Variants in VXN observed in about 807,000 individuals in gnomAD.
VXN encodes the protein vexin.
In VXN, 7 loss-of-function variants were observed where a neutral mutation model predicts 23.1. The ratio of observed to expected loss-of-function variants is 0.30; its 90% CI spans 0.17 to 0.57. The LOEUF (loss-of-function observed/expected upper bound fraction) is 0.57, where lower values mean the gene tolerates loss of function less well. VXN is among the 20% of genes least tolerant of loss of function. The pLI, the probability that VXN is intolerant of heterozygous loss-of-function variation, is 0.91. For missense variants in VXN, 238 were observed against 272.6 expected (o/e 0.87, Z 0.89); for synonymous variants, 120 against 105.8 (o/e 1.13, Z -0.83).
intron 4 of VXN, among the ~76,000 whole-genome samples, chr8:66,512,835 G>A (rs1413630226): frequency 3.3e-5 from 5 of 152,108 alleles, no homozygotes; most frequent in Admixed American, 6.5e-5. Flanking sequence ...GGGAGCACCC[G>A]CTGCTGGGAG....
At chr8:66,511,925 G>A (rs990009166) in intron 4 of VXN, among the ~76,000 whole-genome samples, 9 of 152,104 alleles carry the variant, frequency 5.9e-5, no homozygotes, top group Admixed American at 1.3e-4. Flanking sequence ...AATTAGCCGA[G>A]CGTGGTGAGC....
chr8:66,515,762 A>T, intron 5 of VXN, 131 bp from the exon 6 acceptor site: 3 of 759,454 alleles, frequency 4.0e-6, no homozygotes, highest in Non-Finnish European at 6.2e-6. Flanking sequence ...CAGTGACCTT[A>T]CAGCTACGTG....
At chr8:66,507,507 A>G (rs1365900101) in intron 3 of VXN, among the ~76,000 whole-genome samples, 2 of 152,206 alleles carry the variant, frequency 1.3e-5, no homozygotes, top group African/African-American at 2.4e-5. Flanking sequence ...TTCCCTAGCT[A>G]GTGCCTCTTC....
At chr8:66,508,459 C>T (rs1345513706) in intron 3 of VXN, among the ~76,000 whole-genome samples, 1 of 152,170 alleles carries the variant, frequency 6.6e-6, no homozygotes, top group Non-Finnish European at 1.5e-5. Context: ...CCACACTGAC[C>T]TCTCCAAGGC....
At chr8:66,506,416 AT>A (rs534690802) in intron 3 of VXN, among the ~76,000 whole-genome samples, 12 of 150,054 alleles carry the variant, frequency 8.0e-5, no homozygotes, top group South Asian at 2.1e-4. Context: ...CTTGGATGCT[AT>A]TTTTTTTTAA....
intron 2 of VXN, among the ~76,000 whole-genome samples, chr8:66,501,838 C>T (rs1397001015): frequency 6.6e-6 from 1 of 152,172 alleles, no homozygotes; most frequent in Non-Finnish European, 1.5e-5. Context: ...CTTGTGTCCC[C>T]AACCAACTGA....
rs752050816 is a variant in VXN at position 66,505,337 on chromosome 8, C to T, written c.127-38C>T. 3.2e-6 allele frequency: 5 copies of T among 1,564,810 alleles called. No individual in the cohort carries two copies. In the South Asian group the frequency reaches 5.9e-5, roughly 18 times the overall value. On this transcript the variant is annotated intron_variant, in intron 2 of 5. Coordinates refer to ENST00000305454, the MANE Select transcript of VXN (RefSeq NM_152765.4). Reference sequence around the variant, plus strand: ...GGTTCCATGGGTCCCTAGGCCCGAGCAGAGGAGTGGGCTAACCGCGTTTCC... The same window carrying T: ...GGTTCCATGGGTCCCTAGGCCCGAGTAGAGGAGTGGGCTAACCGCGTTTCC...
In VXN at chr8:66,513,342, C is replaced by A. The variant is rs149134804; in HGVS notation, c.343-198C>A. Among the ~76,000 whole-genome samples, 626 of 152,292 alleles carry A rather than the reference C, an allele frequency of 4.1e-3. 6 individuals carry two copies. The highest frequency in any genetic ancestry group is 0.015 in the African/African-American group (604 of 41,558). On this transcript the variant is annotated intron_variant, in intron 4 of 5. Coordinates refer to ENST00000305454, the MANE Select transcript of VXN (RefSeq NM_152765.4). ...GCAGATTCTCAGGCCCACAGCAGACCCACGGACTCAGAAGCTGGGGTGGGG... is the reference window on the plus strand; with the variant it reads ...GCAGATTCTCAGGCCCACAGCAGACACACGGACTCAGAAGCTGGGGTGGGG...
chr8:66,498,614 T>G (rs889239149), intron 2 of VXN, among the ~76,000 whole-genome samples: 1 of 152,246 alleles, frequency 6.6e-6, no homozygotes, highest in South Asian at 2.1e-4. Flanking sequence ...TTTGTGTGTG[T>G]GTGTGTGTCC....
At chr8:66,512,765 C>T (rs149829319) in intron 4 of VXN, among the ~76,000 whole-genome samples, 1 of 152,260 alleles carries the variant, frequency 6.6e-6, no homozygotes, top group East Asian at 1.9e-4. Flanking sequence ...GAAGGGGAGA[C>T]AGATGAGGCC....
intron 2 of VXN, among the ~76,000 whole-genome samples, chr8:66,502,883 G>A (rs1180856630): frequency 6.7e-6 from 1 of 148,574 alleles, no homozygotes; most frequent in East Asian, 2.0e-4. Context: ...GTCTCACTCT[G>A]TCCCCCATGC....
Position 66,517,250 on chromosome 8 carries a change from AATG to A in VXN, c.*1180_*1182del, listed in dbSNP as rs919395694. The A allele has an allele frequency of 1.3e-5, 2 of 152,194 alleles. No individual in the cohort carries two copies. Among genetic ancestry groups the A allele is most frequent in the African/African-American group, 4.8e-5 (2 of 41,452 alleles). 9.4% of individuals were successfully genotyped at this position (152,194 alleles called of 1,614,324 possible). A position where few individuals can be genotyped will look rare whatever the true frequency, so the allele number is the denominator to read the frequency against. On this transcript the variant is annotated 3_prime_UTR_variant, in exon 6 of 6. Coordinates refer to ENST00000305454, the MANE Select transcript of VXN (RefSeq NM_152765.4). Reference sequence around the variant, plus strand: ...AGCCTTAAAACAATAACATAATAATAATGATGATAATGATACTTATAGCTATCA... The same window carrying A: ...AGCCTTAAAACAATAACATAATAATAATGATAATGATACTTATAGCTATCA...
At chr8:66,512,895 A>G (rs1239618458) in intron 4 of VXN, among the ~76,000 whole-genome samples, 1 of 152,202 alleles carries the variant, frequency 6.6e-6, no homozygotes, top group Non-Finnish European at 1.5e-5. Flanking sequence ...GCGTAGATAG[A>G]GGGCGTCCTG....
chr8:66,515,859 C>G (rs781366591), intron 5 of VXN, 34 bp from the exon 6 acceptor site: 1 of 1,511,706 alleles, frequency 6.6e-7, no homozygotes. Flanking sequence ...TGTGAGCAGA[C>G]CACCCTCCCC....
At position 66,507,805 on chromosome 8, in the gene VXN, A is replaced by G. The variant is rs142704997; in HGVS notation, c.280+2277A>G. 2.5e-3 allele frequency among the ~76,000 whole-genome samples: 382 copies of G among 151,986 alleles called. 2 individuals are homozygous for G. Among genetic ancestry groups the G allele is most frequent in the African/African-American group, 8.8e-3 (364 of 41,438 alleles). ...ATTCCAGAGTGGGTGGGAGGGAGGG[A>G]ATGTTTCTGAGTCAAAGCCAGACCA... On this transcript the variant is annotated intron_variant, in intron 3 of 5. Coordinates refer to ENST00000305454, the MANE Select transcript of VXN (RefSeq NM_152765.4).
chr8:66,513,832 A>T, intron 5 of VXN, 195 bp downstream of exon 5: 1 of 537,880 alleles, frequency 1.9e-6, no homozygotes. Context: ...TTTCCCTAGG[A>T]TTAAGCAGGA....
intron 4 of VXN, among the ~76,000 whole-genome samples, chr8:66,512,333 A>G (rs938235650): frequency 2.0e-5 from 3 of 152,158 alleles, no homozygotes; most frequent in Admixed American, 6.5e-5. Flanking sequence ...CCATGGCATA[A>G]TGGGAAGGAA....
In VXN at chr8:66,516,067, G is replaced by A; in HGVS notation, c.615G>A (p.Glu205=). The change falls in exon 6 of 6, where the codon GAG becomes GAA. Residue 205 remains glutamate, a synonymous_variant. Transcript: ENST00000305454. ...TGGGAGCCACCAACAGCGCCTTTGA[G>A]GCCGACTAAAGGTGACCCTCTTCAA... ...EYVGATNSAF[E]AD is the part of the protein sequence containing the mutation. 1.2e-6 allele frequency: 2 copies of A among 1,608,854 alleles called. No individual in the cohort carries two copies. The highest frequency in any genetic ancestry group is 8.5e-7 in the Non-Finnish European group (1 of 1,178,912).
At chr8:66,496,892 TA>T (rs1157550302) in intron 2 of VXN, among the ~76,000 whole-genome samples, 2 of 144,280 alleles carry the variant, frequency 1.4e-5, no homozygotes, top group Non-Finnish European at 3.0e-5. Flanking sequence ...TATAAAATAC[TA>T]TTTTTTTTTT....
Sources: allele counts gnomAD v4.1 joint callset (sites outside exome capture counted in the v4.1 genomes callset), GRCh38; gene constraint gnomAD v4.1.1; transcripts MANE v1.5; gene names NCBI Gene and HGNC (gene_info 2026-07-23, HGNC 2026-07-21).